C1orf21: variants seen among roughly 807,000 people sequenced by gnomAD.
The protein encoded by C1orf21 is chromosome 1 open reading frame 21, also known as uncharacterized protein C1orf21.
Under a neutral mutation model 18.7 loss-of-function variants are expected in C1orf21, and 3 were observed. That is an observed-to-expected ratio of 0.16 (90% CI 0.07 to 0.42). The LOEUF (loss-of-function observed/expected upper bound fraction) is 0.42, where lower values mean the gene tolerates loss of function less well. Among genes scored for constraint, C1orf21 ranks in the 10% least tolerant of loss-of-function variants. The pLI is 0.99. For synonymous variants in C1orf21, 41 were observed against 46.4 expected, an observed-to-expected ratio of 0.88 and a Z score of 0.47; for missense variants, 104 against 143.6, an observed-to-expected ratio of 0.72 and a Z score of 1.41.
chr1:184,583,629 A>G (rs1270585336), intron 3 of C1orf21, among the ~76,000 whole-genome samples: 1 of 152,224 alleles, frequency 6.6e-6, no homozygotes, highest in East Asian at 1.9e-4. Context: ...GACGTGCTCA[A>G]ACTTTTTTGA....
At chr1:184,500,026 A>G (rs1221321761) in intron 2 of C1orf21, among the ~76,000 whole-genome samples, 1 of 152,220 alleles carries the variant, frequency 6.6e-6, no homozygotes, top group Non-Finnish European at 1.5e-5. Context: ...GGGAAATTAG[A>G]TAAATGTCTC....
intron 3 of C1orf21, among the ~76,000 whole-genome samples, chr1:184,582,761 C>T (rs1396435482): frequency 3.9e-5 from 6 of 152,124 alleles, no homozygotes; most frequent in South Asian, 2.1e-4. Context: ...TGCTTTTAGT[C>T]GGCATCCTGA....
intron 1 of C1orf21, among the ~76,000 whole-genome samples, chr1:184,458,356 C>A (rs764196345): frequency 5.3e-5 from 8 of 152,110 alleles, no homozygotes; most frequent in African/African-American, 9.7e-5. Flanking sequence ...TCTTTTGAGT[C>A]CAACCAAGAG....
At chr1:184,596,779 G>C (rs7532351) in intron 4 of C1orf21, among the ~76,000 whole-genome samples, 33,215 of 151,644 alleles carry the variant, frequency 0.22, 4,555 homozygotes, top group African/African-American at 0.39. Context: ...GCTGAGGCAG[G>C]AGAATTGCTT....
intron 1 of C1orf21, among the ~76,000 whole-genome samples, chr1:184,432,377 G>C (rs1013614723): frequency 6.6e-6 from 1 of 152,180 alleles, no homozygotes; most frequent in Admixed American, 6.5e-5. Flanking sequence ...CAGGGACATG[G>C]ATGAAGCTGG....
intron 5 of C1orf21, among the ~76,000 whole-genome samples, chr1:184,617,618 C>T (rs1659848016): frequency 6.6e-6 from 1 of 152,160 alleles, no homozygotes; most frequent in Admixed American, 6.5e-5. Flanking sequence ...GGATGACTGG[C>T]AAGTACACAC....
intron 1 of C1orf21, among the ~76,000 whole-genome samples, chr1:184,462,669 AAAAT>A (rs1657325644): frequency 6.6e-6 from 1 of 152,216 alleles, no homozygotes; most frequent in Non-Finnish European, 1.5e-5. Flanking sequence ...AGGGAAATAT[AAAAT>A]AAATAAAACT....
chr1:184,427,617 G>T (rs528231585), intron 1 of C1orf21, among the ~76,000 whole-genome samples: 4 of 152,140 alleles, frequency 2.6e-5, no homozygotes, highest in African/African-American at 9.6e-5. Context: ...CAAATGATGT[G>T]GTTGAAATGA....
At chr1:184,540,769 C>T (rs1008613993) in intron 3 of C1orf21, among the ~76,000 whole-genome samples, 1 of 152,120 alleles carries the variant, frequency 6.6e-6, no homozygotes, top group Non-Finnish European at 1.5e-5. Context: ...GTTTATGAAG[C>T]TAAAAAGTTA....
intron 2 of C1orf21, among the ~76,000 whole-genome samples, chr1:184,501,891 AG>A (rs919600672): frequency 2.0e-5 from 3 of 152,336 alleles, no homozygotes; most frequent in Non-Finnish European, 2.9e-5. Context: ...ACCTCTAATA[AG>A]AAAAAAAGGG....
intron 3 of C1orf21, among the ~76,000 whole-genome samples, chr1:184,565,065 C>T (rs1251414888): frequency 6.6e-6 from 1 of 152,188 alleles, no homozygotes; most frequent in Non-Finnish European, 1.5e-5. Flanking sequence ...CTAGACTAGA[C>T]TACCCTTAAA....
intron 1 of C1orf21, among the ~76,000 whole-genome samples, chr1:184,445,058 TAGAC>T (rs1657008122): frequency 6.6e-6 from 1 of 152,190 alleles, no homozygotes; most frequent in Admixed American, 6.5e-5. Flanking sequence ...TCATAGAGTG[TAGAC>T]AGACCTCTCA....
rs1300583776 is a variant in C1orf21, at chr1:184,410,231, T to G, written c.-125+22863T>G. Among the ~76,000 whole-genome samples, 4 of 152,266 alleles carry G rather than the reference T, an allele frequency of 2.6e-5. No homozygotes were observed. The East Asian group carries it at 7.7e-4, about 29-fold the overall frequency. ...ATAATTATATCTGTGTCTGGGTAGG[T>G]GAAGATGTTTCAAGAAGTTTGAATT... is the stretch of plus-strand genomic sequence containing the variant. On this transcript the variant is annotated intron_variant, in intron 1 of 5. Transcript: ENST00000235307.
intron 3 of C1orf21, among the ~76,000 whole-genome samples, chr1:184,528,444 T>C (rs1658409944): frequency 6.6e-6 from 1 of 152,160 alleles, no homozygotes; most frequent in Non-Finnish European, 1.5e-5. Context: ...CTTCTTTTCT[T>C]TTCTTTTCTT....
intron 2 of C1orf21, among the ~76,000 whole-genome samples, chr1:184,499,795 A>G (rs1657945917): frequency 6.6e-6 from 1 of 152,220 alleles, no homozygotes; most frequent in South Asian, 2.1e-4. Context: ...ACTGTAAAAG[A>G]GAGTCATGAT....
At chr1:184,445,167 G>GA (rs930109753) in intron 1 of C1orf21, among the ~76,000 whole-genome samples, 1 of 152,126 alleles carries the variant, frequency 6.6e-6, no homozygotes, top group Non-Finnish European at 1.5e-5. Flanking sequence ...GCAGAGGACT[G>GA]ACGTTAGTTT....
At chr1:184,491,578 CT>C in intron 2 of C1orf21, among the ~76,000 whole-genome samples, 1 of 152,284 alleles carries the variant, frequency 6.6e-6, no homozygotes, top group Non-Finnish European at 1.5e-5. Flanking sequence ...TCTCGAACTC[CT>C]GAGCTCAAGC....
Position 184,388,453 on chromosome 1 carries a change from T to C in C1orf21, c.-125+1085T>C, listed in dbSNP as rs144343510. 2.5e-3 allele frequency among the ~76,000 whole-genome samples: 385 copies of C among 152,308 alleles called. 3 individuals are homozygous for C. Among genetic ancestry groups the C allele is most frequent in the African/African-American group, 8.8e-3 (366 of 41,560 alleles). On this transcript the variant is annotated intron_variant, in intron 1 of 5. Transcript: ENST00000235307. Reference sequence around the variant, plus strand: ...GTTAGGAAAATTGTTTTAAAATAGATAGTGCTTGTGTTGTCCGTGGCTGGA... The same window carrying C: ...GTTAGGAAAATTGTTTTAAAATAGACAGTGCTTGTGTTGTCCGTGGCTGGA...
At chr1:184,468,621 T>C (rs1286381939) in intron 1 of C1orf21, among the ~76,000 whole-genome samples, 1 of 152,168 alleles carries the variant, frequency 6.6e-6, no homozygotes, top group African/African-American at 2.4e-5. Context: ...TTTTTGTTTT[T>C]AAAAAAACGA....
Sources: allele counts gnomAD v4.1 joint callset (sites outside exome capture counted in the v4.1 genomes callset), GRCh38; gene constraint gnomAD v4.1.1; transcripts MANE v1.5; gene names NCBI Gene and HGNC (gene_info 2026-07-23, HGNC 2026-07-21).